The following GPHN variants were observed in gnomAD, a reference collection of about 807,000 sequenced individuals.
GPHN encodes gephyrin.
GPHN carries 17 observed loss-of-function variants against 95.5 expected under a neutral mutation model. That is an observed-to-expected ratio of 0.18 (90% confidence interval 0.12 to 0.27). The LOEUF (loss-of-function observed/expected upper bound fraction) is 0.27, where lower values mean the gene tolerates loss of function less well. Ranked by LOEUF, GPHN falls within the 10% of genes least tolerant of loss-of-function variation. GPHN has a pLI of 1.00. For missense variants in GPHN, 660 were observed against 978.1 expected, an observed-to-expected ratio of 0.67 and a Z score of 4.34; for synonymous variants, 320 against 322.5, an observed-to-expected ratio of 0.99 and a Z score of 0.08.
chr14:66,904,157 G>A (rs1028004982), intron 5 of GPHN, among the ~76,000 whole-genome samples: 1 of 152,142 alleles, frequency 6.6e-6, no homozygotes, highest in Non-Finnish European at 1.5e-5. Context: ...GACCTTTGCA[G>A]TGAGTGTTAC....
At chr14:67,559,554 A>G in the GPHN span, 1 of 1,272,864 alleles carries the variant, frequency 7.9e-7, no homozygotes, top group Non-Finnish European at 1.1e-6. Context: ...ACCTCCAGTC[A>G]GTCACTCTCC....
At chr14:66,876,153 G>A (rs2063653548) in intron 4 of GPHN, among the ~76,000 whole-genome samples, 1 of 151,940 alleles carries the variant, frequency 6.6e-6, no homozygotes, top group South Asian at 2.1e-4. Flanking sequence ...ATAACTACTG[G>A]GTAAATAACA....
the GPHN span, chr14:67,320,226 A>G: frequency 6.3e-7 from 1 of 1,598,596 alleles, no homozygotes; most frequent in African/African-American, 1.4e-5. Flanking sequence ...TTTTTTTCCC[A>G]AAGATTATGA....
intron 3 of GPHN, among the ~76,000 whole-genome samples, chr14:66,791,594 T>C (rs918048382): frequency 6.6e-6 from 1 of 152,230 alleles, no homozygotes; most frequent in Non-Finnish European, 1.5e-5. Flanking sequence ...ATTTCTGACA[T>C]TGCCATGGCA....
chr14:66,957,479 A>T (rs1363596801), intron 8 of GPHN, among the ~76,000 whole-genome samples: 1 of 152,040 alleles, frequency 6.6e-6, no homozygotes, highest in Admixed American at 6.6e-5. Flanking sequence ...TACAGGCATG[A>T]GCCACCGCAC....
At chr14:66,770,841 A>C (rs1304782714) in intron 2 of GPHN, among the ~76,000 whole-genome samples, 3 of 137,168 alleles carry the variant, frequency 2.2e-5, no homozygotes, top group African/African-American at 1.0e-4. Context: ...ATTGTTCTTA[A>C]TCTATTACTG....
chr14:66,617,253 T>C (rs919720099), intron 1 of GPHN, among the ~76,000 whole-genome samples: 17 of 152,200 alleles, frequency 1.1e-4, no homozygotes, highest in Non-Finnish European at 8.8e-5. Context: ...GCCCCTCCTG[T>C]AGGGAGCTCA....
intron 21 of GPHN, among the ~76,000 whole-genome samples, chr14:67,176,070 C>T (rs1214471348): frequency 6.6e-6 from 1 of 152,110 alleles, no homozygotes; most frequent in African/African-American, 2.4e-5. Context: ...CCCTTTATTG[C>T]TTTCTCTTGC....
chr14:67,176,864 A>G (rs1227428969), intron 21 of GPHN, among the ~76,000 whole-genome samples: 1 of 152,166 alleles, frequency 6.6e-6, no homozygotes, highest in East Asian at 1.9e-4. Context: ...TTATTTGCAT[A>G]GAGGTATTTA....
At chr14:66,623,112 A>G (rs2063374633) in intron 1 of GPHN, among the ~76,000 whole-genome samples, 1 of 152,204 alleles carries the variant, frequency 6.6e-6, no homozygotes. Flanking sequence ...CCTCACAATC[A>G]TGGCAGAAGG....
chr14:67,380,671 T>A, the GPHN span: 1 of 1,557,166 alleles, frequency 6.4e-7, no homozygotes. Flanking sequence ...ACCCATCTAT[T>A]TTGGATAGTT....
chr14:67,720,923 T>C, the GPHN span: 2 of 152,236 alleles, frequency 1.3e-5, no homozygotes, highest in African/African-American at 4.8e-5. Flanking sequence ...TCTTCTTAAA[T>C]GCAAGGATCT....
At chr14:67,725,059 A>G in the GPHN span, 1 of 1,610,892 alleles carries the variant, frequency 6.2e-7, no homozygotes, top group Non-Finnish European at 8.5e-7. Flanking sequence ...TTTATAGCCT[A>G]GGATATGAAC....
At position 67,086,897 on chromosome 14, in the gene GPHN, G is replaced by T. The variant is rs534843257; in HGVS notation, c.1145-2086G>T. Among the ~76,000 whole-genome samples the T allele has an allele frequency of 6.6e-5, 10 of 151,238 alleles. 1 individual carries two copies. In the South Asian group the frequency reaches 2.1e-3, roughly 32 times the overall value. On this transcript the variant is annotated intron_variant, in intron 11 of 22. Transcript: ENST00000478722. ...ACTAAAAATACAAAAAATTAGCCAGGTGTGGTGGCGGGCGCCTGTAGTCCC... is the reference window on the plus strand; with the variant it reads ...ACTAAAAATACAAAAAATTAGCCAGTTGTGGTGGCGGGCGCCTGTAGTCCC...
intron 13 of GPHN, among the ~76,000 whole-genome samples, chr14:67,108,898 G>T (rs2078203106): frequency 6.6e-6 from 1 of 152,062 alleles, no homozygotes; most frequent in Non-Finnish European, 1.5e-5. Flanking sequence ...AGGGACTTAA[G>T]ATTTTAAATA....
chr14:66,673,434 G>A (rs1364007828), intron 1 of GPHN, among the ~76,000 whole-genome samples: 1 of 152,082 alleles, frequency 6.6e-6, no homozygotes, highest in Admixed American at 6.6e-5. Flanking sequence ...TTTAATACAC[G>A]TTTCAACTAA....
At chr14:66,635,518 T>C (rs1488323396) in intron 1 of GPHN, among the ~76,000 whole-genome samples, 3 of 152,168 alleles carry the variant, frequency 2.0e-5, no homozygotes, top group African/African-American at 7.2e-5. Flanking sequence ...ATTTAAGTGA[T>C]GAGTTTATAT....
chr14:67,528,308 A>T, the GPHN span, among the ~76,000 whole-genome samples: 1 of 152,164 alleles, frequency 6.6e-6, no homozygotes. Context: ...TACAGCGGCC[A>T]CACATGTGTC....
chr14:67,278,887 AATCTACTT>A, the GPHN span: 1 of 200,840 alleles, frequency 5.0e-6, no homozygotes, highest in Non-Finnish European at 1.0e-5. Context: ...GAAAGTACTT[AATCTACTT>A]AACAAAATAA....
Sources: allele counts gnomAD v4.1 joint callset (sites outside exome capture counted in the v4.1 genomes callset), GRCh38; gene constraint gnomAD v4.1.1; transcripts MANE v1.5; gene names NCBI Gene and HGNC (gene_info 2026-07-23, HGNC 2026-07-21).